Variants in MBNL3 observed in about 807,000 individuals in gnomAD.
MBNL3 encodes muscleblind like splicing regulator 3.
MBNL3 carries 6 observed loss-of-function variants against 24.5 expected under a neutral mutation model. That is an observed-to-expected ratio of 0.25 (90% CI 0.13 to 0.48). MBNL3 has a LOEUF of 0.48. Among genes scored for constraint, MBNL3 ranks in the 20% least tolerant of loss-of-function variants. The pLI is 0.99. For synonymous variants in MBNL3, 100 were observed against 101.7 expected, an observed-to-expected ratio of 0.98 and a Z score of 0.10; for missense variants, 230 against 293.5, an observed-to-expected ratio of 0.78 and a Z score of 1.58.
In MBNL3 at chrX:132,408,092, C is replaced by CTTTTTTTTTT. The variant is rs60044820; in HGVS notation, c.178-1710_178-1701dup. On this transcript the variant is annotated intron_variant, in intron 2 of 8. Transcript: ENST00000370853. ...CCTGACCTCTCTTCTGAATTTCAGT[C>CTTTTTTTTTT]TTTTTTTTTTTTTTTTTTTTTTTTT... Among the ~76,000 whole-genome samples the CTTTTTTTTTT allele has an allele frequency of 6.6e-4, 15 of 22,572 alleles. 2 individuals carry two copies. The highest frequency in any genetic ancestry group is 1.1e-3 in the Non-Finnish European group (14 of 12,635). 19.6% of individuals were successfully genotyped at this position (22,572 alleles called of 115,157 possible).
chrX:132,478,356 G>A (rs1947554563), intron 1 of MBNL3, among the ~76,000 whole-genome samples: 1 of 111,516 alleles, frequency 9.0e-6, no homozygotes. Context: ...AAATCTTATA[G>A]CACATCTATA....
chrX:132,401,379 G>A (rs1469583866), intron 3 of MBNL3, among the ~76,000 whole-genome samples: 1 of 110,773 alleles, frequency 9.0e-6, no homozygotes, highest in African/African-American at 3.3e-5. Context: ...CAGGAGGATT[G>A]CTTGAGGCTG....
chrX:132,446,528 T>C (rs1945730617), intron 1 of MBNL3, among the ~76,000 whole-genome samples: 1 of 112,504 alleles, frequency 8.9e-6, no homozygotes, highest in African/African-American at 3.2e-5. Flanking sequence ...TTTTTTCATA[T>C]GTTTGTTGAT....
intron 1 of MBNL3, among the ~76,000 whole-genome samples, chrX:132,485,120 A>G (rs1947935279): frequency 2.7e-5 from 3 of 111,862 alleles, no homozygotes; most frequent in Admixed American, 9.5e-5. Flanking sequence ...TCAAATATTT[A>G]TAATAGTTTA....
At chrX:132,403,082 G>A (rs981502253) in intron 3 of MBNL3, among the ~76,000 whole-genome samples, 1 of 111,728 alleles carries the variant, frequency 9.0e-6, no homozygotes, top group Non-Finnish European at 1.9e-5. Flanking sequence ...GATTAAAAGG[G>A]ATAGAGAGTT....
At chrX:132,427,729 T>A (rs1177376417) in intron 2 of MBNL3, among the ~76,000 whole-genome samples, 1 of 111,821 alleles carries the variant, frequency 8.9e-6, no homozygotes, top group African/African-American at 3.2e-5. Context: ...AAAAGATGGT[T>A]AAAGAGTTTA....
intron 2 of MBNL3, among the ~76,000 whole-genome samples, chrX:132,429,380 C>A (rs939275468): frequency 1.8e-5 from 2 of 111,769 alleles, no homozygotes; most frequent in African/African-American, 6.5e-5. Context: ...TTCTGGTCAG[C>A]AAACTCAACA....
At chrX:132,415,694 A>G (rs1943227858) in intron 2 of MBNL3, among the ~76,000 whole-genome samples, 1 of 111,593 alleles carries the variant, frequency 9.0e-6, no homozygotes, top group Admixed American at 9.5e-5. Flanking sequence ...CAATCCCCCA[A>G]TGAGGTCAAA....
At chrX:132,442,715 C>T (rs1283932557) in intron 1 of MBNL3, among the ~76,000 whole-genome samples, 1 of 112,963 alleles carries the variant, frequency 8.9e-6, no homozygotes, top group Admixed American at 9.3e-5. Flanking sequence ...TCTGGCCATG[C>T]ATTTTATTCA....
At chrX:132,479,524 C>T (rs974077413) in intron 1 of MBNL3, among the ~76,000 whole-genome samples, 1 of 111,740 alleles carries the variant, frequency 8.9e-6, no homozygotes, top group African/African-American at 3.3e-5. Flanking sequence ...TAAATCTGCT[C>T]TGGGCATCAT....
chrX:132,445,670 C>A (rs1945670214), intron 1 of MBNL3, among the ~76,000 whole-genome samples: 1 of 111,324 alleles, frequency 9.0e-6, no homozygotes, highest in Non-Finnish European at 1.9e-5. Flanking sequence ...GCAACAGTGT[C>A]TCTTTTGAAA....
rs749782261 is a variant in MBNL3 at position 132,423,413 on chromosome X, T to A, written c.177+16022A>T. Among the ~76,000 whole-genome samples, 173 of 111,102 alleles carry A rather than the reference T, an allele frequency of 1.6e-3. 2 individuals are homozygous for A. The highest frequency in any genetic ancestry group is 3.2e-4 in the Non-Finnish European group (17 of 52,918). ...TACTCACTACAGAAATCCCAATCAT[T>A]TGAGAACATTACCCCTTCTCCTCAC... On this transcript the variant is annotated intron_variant, in intron 2 of 8. Coordinates refer to ENST00000370853, the MANE Select transcript of MBNL3 (RefSeq NM_001386889.1).
chrX:132,393,277 T>G (rs1376387840), intron 3 of MBNL3, among the ~76,000 whole-genome samples: 1 of 109,897 alleles, frequency 9.1e-6, no homozygotes, highest in Non-Finnish European at 1.9e-5. Flanking sequence ...TATTCATAGT[T>G]CAAAAGAAGG....
chrX:132,411,524 G>A, intron 2 of MBNL3: 1 of 553,608 alleles, frequency 1.8e-6, no homozygotes, highest in Non-Finnish European at 2.2e-6. Context: ...CCAAAGGGGT[G>A]GGGTGACTTG....
intron 3 of MBNL3, among the ~76,000 whole-genome samples, chrX:132,400,495 T>A (rs935881028): frequency 3.6e-5 from 4 of 111,866 alleles, no homozygotes; most frequent in Non-Finnish European, 7.5e-5. Context: ...AAATCTAGGA[T>A]ATGTGGGGTC....
intron 1 of MBNL3, among the ~76,000 whole-genome samples, chrX:132,469,655 AATAAT>A (rs1947071372): frequency 8.9e-6 from 1 of 112,616 alleles, no homozygotes; most frequent in Admixed American, 9.4e-5. Flanking sequence ...CTAAAATGGG[AATAAT>A]ATAACATATA....
intron 3 of MBNL3, among the ~76,000 whole-genome samples, chrX:132,397,134 A>T (rs1013962504): frequency 2.8e-5 from 3 of 106,584 alleles, no homozygotes; most frequent in Admixed American, 1.1e-4. Flanking sequence ...TTTATAGAAC[A>T]ATCACTACTC....
chrX:132,431,070 G>C (rs777445264), intron 2 of MBNL3: 3 of 111,975 alleles, frequency 2.7e-5, no homozygotes, highest in African/African-American at 9.8e-5. Context: ...ACCATGCCTG[G>C]TCTATTTTTT....
At chrX:132,400,080 C>T (rs956277253) in intron 3 of MBNL3, among the ~76,000 whole-genome samples, 1 of 111,103 alleles carries the variant, frequency 9.0e-6, no homozygotes, top group African/African-American at 3.3e-5. Context: ...AGATTTGTGA[C>T]TATCAAAGAA....
Sources: allele counts gnomAD v4.1 joint callset (sites outside exome capture counted in the v4.1 genomes callset), GRCh38; gene constraint gnomAD v4.1.1; transcripts MANE v1.5; gene names NCBI Gene and HGNC (gene_info 2026-07-23, HGNC 2026-07-21).